MED13: variants seen among roughly 807,000 people sequenced by gnomAD.
MED13 encodes the protein mediator of RNA polymerase II transcription subunit 13.
Under a neutral mutation model 225.2 loss-of-function variants are expected in MED13, and 23 were observed. That is an observed-to-expected ratio of 0.10 (90% CI 0.07 to 0.14). The LOEUF is 0.14. MED13 is among the 10% of genes least tolerant of loss of function. The pLI, the probability that MED13 is intolerant of heterozygous loss-of-function variation, is 1.00. For synonymous variants in MED13, 942 were observed against 889.2 expected, an observed-to-expected ratio of 1.06 and a Z score of -1.06; for missense variants, 2,197 against 2,594.5, an observed-to-expected ratio of 0.85 and a Z score of 3.33.
intron 2 of MED13, among the ~76,000 whole-genome samples, chr17:62,054,967 A>G (rs186543616): frequency 1.1e-4 from 17 of 152,380 alleles, no homozygotes; most frequent in South Asian, 1.0e-3. Context: ...TCAAGGTTGT[A>G]CAGTTGTTAT....
intron 8 of MED13, among the ~76,000 whole-genome samples, chr17:62,016,907 G>A (rs555542644): frequency 6.6e-6 from 1 of 152,144 alleles, no homozygotes; most frequent in African/African-American, 2.4e-5. Flanking sequence ...CTACTCAGGA[G>A]GCTGAGGCAG....
rs141052893 is a variant in MED13 at position 61,956,292 on chromosome 17, A to T, written c.5623+47T>A. 1,038 of 1,564,414 alleles carry T rather than the reference A, an allele frequency of 6.6e-4. 6 individuals carry two copies. The East Asian group carries it at 9.6e-3, about 15-fold the overall frequency. Reference sequence around the variant, plus strand: ...TAGACGTGGTCAGAACTGTGTGTGAATTTACATAAAACGGAAATATAAATA... The same window carrying T: ...TAGACGTGGTCAGAACTGTGTGTGATTTTACATAAAACGGAAATATAAATA... On this transcript the variant is annotated intron_variant, in intron 24 of 29. Coordinates refer to ENST00000397786, the MANE Select transcript of MED13 (RefSeq NM_005121.3).
intron 3 of MED13, among the ~76,000 whole-genome samples, chr17:62,045,931 A>G: frequency 6.6e-6 from 1 of 152,208 alleles, no homozygotes; most frequent in Admixed American, 6.5e-5. Flanking sequence ...AGAAAATGAG[A>G]TTTTTTTCTT....
intron 23 of MED13, among the ~76,000 whole-genome samples, chr17:61,959,606 T>C (rs1391795277): frequency 6.6e-6 from 1 of 152,170 alleles, no homozygotes; most frequent in African/African-American, 2.4e-5. Context: ...TTCTATCTTC[T>C]GCTTCCCCAG....
chr17:62,002,283 A>G (rs2080402337), intron 9 of MED13, among the ~76,000 whole-genome samples: 2 of 152,092 alleles, frequency 1.3e-5, no homozygotes. Flanking sequence ...TGAGGTAGGG[A>G]GTTCAAGACC....
chr17:61,977,835 C>T (rs911404636), intron 16 of MED13, among the ~76,000 whole-genome samples: 1 of 152,144 alleles, frequency 6.6e-6, no homozygotes, highest in East Asian at 1.9e-4. Context: ...AAGCAATACT[C>T]CCGCCTCAGC....
At chr17:61,963,902 G>C (rs1603392560) in intron 20 of MED13, among the ~76,000 whole-genome samples, 1 of 152,150 alleles carries the variant, frequency 6.6e-6, no homozygotes, top group South Asian at 2.1e-4. Context: ...AATCATTCTT[G>C]TCACTATAAA....
At chr17:62,009,247 G>T (rs574402366) in intron 9 of MED13, among the ~76,000 whole-genome samples, 1 of 152,196 alleles carries the variant, frequency 6.6e-6, no homozygotes, top group East Asian at 1.9e-4. Context: ...AAAGTCAAGG[G>T]ATACCTGGAA....
At chr17:62,009,929 T>A (rs1318178008) in intron 9 of MED13, among the ~76,000 whole-genome samples, 1 of 152,062 alleles carries the variant, frequency 6.6e-6, no homozygotes. Context: ...AAATAATAAG[T>A]ACCAAATTGA....
At chr17:62,040,509 A>G (rs2080844161) in intron 3 of MED13, among the ~76,000 whole-genome samples, 1 of 152,242 alleles carries the variant, frequency 6.6e-6, no homozygotes, top group African/African-American at 2.4e-5. Flanking sequence ...TCTAACAGCA[A>G]CAATTCCATA....
intron 1 of MED13, among the ~76,000 whole-genome samples, chr17:62,064,644 G>C (rs1421606803): frequency 1.3e-5 from 2 of 152,098 alleles, no homozygotes; most frequent in Non-Finnish European, 2.9e-5. Flanking sequence ...AACTAACCTG[G>C]CGTTAGTTTG....
At position 61,955,563 on chromosome 17, in the gene MED13, A is replaced by C. The variant is rs200254131; in HGVS notation, c.5787T>G (p.Ser1929=). 6 of 1,555,126 alleles carry C rather than the reference A, an allele frequency of 3.9e-6. No individual in the cohort carries two copies. The Admixed American group carries it at 1.3e-4, about 34-fold the overall frequency. The stretch of plus-strand genomic sequence containing the variant: ...TTCCAAATACAGAACCAGTTGACAC[A>C]GAATCTGAAAATGAAAGACATTTTT... ...PQGSFVIMPD[S]VSTGSVFGRS... The change falls in exon 26 of 30, where the codon TCT becomes TCG. Residue 1929 remains serine, a synonymous_variant. Transcript: ENST00000397786.
chr17:62,024,036 G>A (rs1332274710), intron 8 of MED13, among the ~76,000 whole-genome samples: 1 of 113,028 alleles, frequency 8.8e-6, no homozygotes, highest in Non-Finnish European at 1.8e-5. Context: ...TTTTTTTTTT[G>A]AGACGGAGTC....
At chr17:62,028,528 T>C (rs1457583148) in intron 8 of MED13, among the ~76,000 whole-genome samples, 2 of 151,858 alleles carry the variant, frequency 1.3e-5, no homozygotes, top group African/African-American at 4.8e-5. Context: ...CCTGCACATG[T>C]AACCCTGAAC....
intron 21 of MED13, 50 bp downstream of exon 21, chr17:61,962,702 A>T (rs1203586113): frequency 1.3e-6 from 2 of 1,526,874 alleles, no homozygotes; most frequent in African/African-American, 2.7e-5. Flanking sequence ...ACTTCTGACA[A>T]CATTAAACTG....
intron 19 of MED13, among the ~76,000 whole-genome samples, chr17:61,965,691 A>G (rs1408154963): frequency 6.6e-6 from 1 of 152,208 alleles, no homozygotes; most frequent in Non-Finnish European, 1.5e-5. Context: ...TTTTCACTCA[A>G]AATTAAAGAA....
At chr17:62,063,393 A>G (rs1383999840) in intron 1 of MED13, 92 bp from the exon 2 acceptor site, 12 of 822,104 alleles carry the variant, frequency 1.5e-5, no homozygotes, top group Non-Finnish European at 2.1e-5. Flanking sequence ...TTAAGACATT[A>G]CAATTTTTCA....
At chr17:61,967,788 G>A (rs1251430463) in intron 18 of MED13, among the ~76,000 whole-genome samples, 1 of 152,048 alleles carries the variant, frequency 6.6e-6, no homozygotes, top group African/African-American at 2.4e-5. Context: ...ACATTAAAAG[G>A]GATATATATC....
chr17:62,001,676 G>A (rs535341442), intron 9 of MED13, among the ~76,000 whole-genome samples: 2 of 152,192 alleles, frequency 1.3e-5, no homozygotes, highest in Admixed American at 6.5e-5. Flanking sequence ...AAAGCTTCTG[G>A]AGCTTCATAA....
Sources: allele counts gnomAD v4.1 joint callset (sites outside exome capture counted in the v4.1 genomes callset), GRCh38; gene constraint gnomAD v4.1.1; transcripts MANE v1.5; gene names NCBI Gene and HGNC (gene_info 2026-07-23, HGNC 2026-07-21).